The following XG variants were observed in gnomAD, a reference collection of about 807,000 sequenced individuals.
XG encodes glycoprotein Xg.
XG carries 24 observed loss-of-function variants against 25.7 expected under a neutral mutation model. The observed-to-expected ratio is 0.93, with a 90% CI of 0.68 to 1.31. XG has a LOEUF of 1.31. XG is among the 40% of genes most tolerant of loss of function. The pLI is 0.00. For synonymous variants in XG, 77 were observed against 69.2 expected, an observed-to-expected ratio of 1.11 and a Z score of -0.56; for missense variants, 181 against 187.6, an observed-to-expected ratio of 0.96 and a Z score of 0.21.
chrX:2,752,820 C>T (rs2050362766), intron 1 of XG: 1 of 614,946 alleles, frequency 1.6e-6, no homozygotes, highest in Non-Finnish European at 2.0e-6. Context: ...TAAATCTTTT[C>T]CTAAACACTG....
intron 3 of XG, among the ~76,000 whole-genome samples, chrX:2,781,432 G>C (rs2051118408): frequency 6.6e-6 from 1 of 150,632 alleles, no homozygotes; most frequent in African/African-American, 2.4e-5. Context: ...AGGCTCCTGA[G>C]GAAGATCCTC....
In XG at chrX:2,794,518, C is replaced by T. The variant is rs758737681; in HGVS notation, c.254-17C>T. The T allele has an allele frequency of 5.3e-5, 64 of 1,208,052 alleles. 1 individual carries two copies. The highest frequency in any genetic ancestry group is 1.2e-4 in the East Asian group (4 of 33,560). Reference sequence around the variant, plus strand: ...TGGAGAGGTCTCATGAGCAATGCCGCGTGCTCTGCCCCACAGGTTACTTCA... The same window carrying T: ...TGGAGAGGTCTCATGAGCAATGCCGTGTGCTCTGCCCCACAGGTTACTTCA... On this transcript the variant is annotated splice_polypyrimidine_tract_variant and intron_variant, in intron 5 of 10. Transcript: ENST00000644266.
intron 3 of XG, among the ~76,000 whole-genome samples, chrX:2,780,872 C>G (rs940814403): frequency 3.9e-5 from 6 of 152,046 alleles, no homozygotes; most frequent in African/African-American, 1.4e-4. Flanking sequence ...TTAGCCTTTC[C>G]AAAGGAGGCG....
intron 2 of XG, among the ~76,000 whole-genome samples, chrX:2,773,256 TAAG>T (rs1237979046): frequency 3.2e-5 from 3 of 94,486 alleles, no homozygotes; most frequent in African/African-American, 1.3e-4. Flanking sequence ...GGAGAGGAGA[TAAG>T]AAAAGACTGA....
At chrX:2,756,943 C>T (rs1362903805) in intron 1 of XG, among the ~76,000 whole-genome samples, 15 of 152,180 alleles carry the variant, frequency 9.9e-5, no homozygotes, top group Admixed American at 9.8e-4. Flanking sequence ...AAGTGTTAGC[C>T]AGCTCAGTGC....
chrX:2,756,918 A>G (rs1289721419), intron 1 of XG, among the ~76,000 whole-genome samples: 1 of 152,190 alleles, frequency 6.6e-6, no homozygotes, highest in Non-Finnish European at 1.5e-5. Context: ...TAGCTCTGCC[A>G]TCCGCACGTG....
intron 1 of XG, among the ~76,000 whole-genome samples, chrX:2,755,305 A>G (rs1263589066): frequency 6.6e-6 from 1 of 152,172 alleles, no homozygotes; most frequent in African/African-American, 2.4e-5. Context: ...GTGATATGCT[A>G]AGCAAGGCTT....
At chrX:2,765,277 G>A (rs1489764169) in intron 1 of XG, among the ~76,000 whole-genome samples, 1 of 151,736 alleles carries the variant, frequency 6.6e-6, no homozygotes, top group African/African-American at 2.4e-5. Context: ...ATTGAACCTG[G>A]GGGGCAGAGG....
chrX:2,783,299 G>A (rs1286561302), intron 4 of XG, among the ~76,000 whole-genome samples: 1 of 81,175 alleles, frequency 1.2e-5, no homozygotes, highest in Non-Finnish European at 2.1e-5. Flanking sequence ...ACTCATCATT[G>A]AAAAATATGC....
At chrX:2,774,946 G>C in intron 3 of XG, 1 of 632,872 alleles carries the variant, frequency 1.6e-6, no homozygotes, top group Non-Finnish European at 2.8e-6. Context: ...TCCCCACTGA[G>C]ATGGCTAAAA....
intron 7 of XG, among the ~76,000 whole-genome samples, chrX:2,798,453 C>T (rs1358429118): frequency 1.9e-5 from 2 of 106,634 alleles, no homozygotes; most frequent in East Asian, 2.9e-4. Flanking sequence ...TCACTGCAAC[C>T]TTGGCCTCCC....
At chrX:2,789,560 G>C in intron 4 of XG, 84 bp from the exon 5 acceptor site, 1 of 594,772 alleles carries the variant, frequency 1.7e-6, no homozygotes, top group Non-Finnish European at 2.7e-6. Flanking sequence ...CATCTTTTCT[G>C]TACTTTGGCA....
Position 2,752,227 on chromosome X carries a change from C to A in XG, c.-48C>A, listed in dbSNP as rs766404777. 5.0e-6 allele frequency: 8 copies of A among 1,612,788 alleles called. No individual in the cohort carries two copies. The highest frequency in any genetic ancestry group is 2.7e-5 in the African/African-American group (2 of 74,906). On this transcript the variant is annotated 5_prime_UTR_variant, in exon 1 of 11. Transcript: ENST00000644266. ...GGGTGGAGAGGCCGGGTCTCACAAT[C>A]CGCTTGGCTGGGGAGTCCACTGAGG...
chrX:2,800,260 C>T (rs1569044059), intron 7 of XG, among the ~76,000 whole-genome samples: 1 of 110,717 alleles, frequency 9.0e-6, no homozygotes, highest in Non-Finnish European at 1.9e-5. Context: ...CAGGTAGCAG[C>T]GCTCAGAGAC....
At chrX:2,755,813 C>A (rs1405823998) in intron 1 of XG, among the ~76,000 whole-genome samples, 1 of 152,056 alleles carries the variant, frequency 6.6e-6, no homozygotes, top group African/African-American at 2.4e-5. Context: ...CCAGCCATCA[C>A]CAGCTGGAAA....
At chrX:2,772,787 C>T (rs929673619) in intron 2 of XG, among the ~76,000 whole-genome samples, 1 of 152,158 alleles carries the variant, frequency 6.6e-6, no homozygotes, top group African/African-American at 2.4e-5. Flanking sequence ...CATTGCTCAC[C>T]TAGAAGGCTG....
Position 2,814,770 on chromosome X carries a change from G to C in XG, c.*390G>C. ...AGGTAGAATATCTTGGTGGGGAGGG[G>C]ATGTTATCAGCTTCTGGGAGATGAA... is the stretch of plus-strand genomic sequence containing the variant. On this transcript the variant is annotated 3_prime_UTR_variant, in exon 11 of 11. Coordinates refer to ENST00000644266, the MANE Select transcript of XG (RefSeq NM_001141919.2). 1 of 134,425 alleles carries C rather than the reference G, an allele frequency of 7.4e-6. No homozygotes were observed. 11.1% of individuals were successfully genotyped at this position (134,425 alleles called of 1,213,427 possible). A position where few individuals can be genotyped will look rare whatever the true frequency, so the allele number is the denominator to read the frequency against.
At chrX:2,783,808 C>T (rs1236809456) in intron 4 of XG, among the ~76,000 whole-genome samples, 2 of 112,378 alleles carry the variant, frequency 1.8e-5, no homozygotes, top group Admixed American at 1.9e-4. Context: ...AACCCTGTCT[C>T]TACCAAAAAT....
intron 7 of XG, among the ~76,000 whole-genome samples, chrX:2,802,893 A>G (rs2086958290): frequency 9.0e-6 from 1 of 110,899 alleles, no homozygotes; most frequent in Non-Finnish European, 1.9e-5. Flanking sequence ...AGTTTGTTTC[A>G]GAAAAGGGCT....
Sources: gnomAD v4.1 joint callset for allele counts (sites outside exome capture counted in the v4.1 genomes callset) on GRCh38, gnomAD v4.1.1 for gene constraint, MANE v1.5 for transcripts, NCBI Gene and HGNC (gene_info 2026-07-23, HGNC 2026-07-21) for gene names.